The following HADH variants were observed in gnomAD, a reference collection of about 807,000 sequenced individuals.
HADH encodes the protein hydroxyacyl-CoA dehydrogenase, also known as hydroxyacyl-coenzyme A dehydrogenase, mitochondrial.
In HADH, 24 loss-of-function variants were observed where a neutral mutation model predicts 32.2. The ratio of observed to expected loss-of-function variants is 0.75; its 90% confidence interval spans 0.54 to 1.05. The LOEUF is 1.05. Among genes scored for constraint, HADH ranks in the 50% least tolerant of loss-of-function variants. HADH has a pLI of 0.00. For synonymous variants in HADH, 139 were observed against 152.5 expected (o/e 0.91, Z 0.65); for missense variants, 350 against 397.1 (o/e 0.88, Z 1.01).
chr4:108,000,836 A>T lies in HADH; in HGVS notation c.133-8923A>T, dbSNP rs138297673. Among the ~76,000 whole-genome samples, 20 of 152,312 alleles carry T rather than the reference A, an allele frequency of 1.3e-4. No individual in the cohort carries two copies. In the East Asian group the frequency reaches 3.9e-3, roughly 29 times the overall value. ...GAGACGTGTGGTGTGGCTGGGGAAG[A>T]CTACAGAATCGGGTTACTACCGTCC... On this transcript the variant is annotated intron_variant, in intron 1 of 7. Transcript: ENST00000309522.
At chr4:108,012,550 T>C (rs1318936099) in intron 2 of HADH, among the ~76,000 whole-genome samples, 2 of 152,190 alleles carry the variant, frequency 1.3e-5, no homozygotes, top group African/African-American at 4.8e-5. Flanking sequence ...TGTATTTGTC[T>C]TGATTGGCTA....
chr4:108,002,745 T>C (rs1735160820), intron 1 of HADH, among the ~76,000 whole-genome samples: 1 of 152,184 alleles, frequency 6.6e-6, no homozygotes, highest in African/African-American at 2.4e-5. Flanking sequence ...ACACTGAACA[T>C]GCTGATGATC....
intron 6 of HADH, chr4:108,032,892 G>A (rs1736323837): frequency 2.4e-6 from 1 of 418,402 alleles, no homozygotes; most frequent in Admixed American, 3.5e-5. Flanking sequence ...TGAGGCAGGA[G>A]AATCACTTGA....
rs1329695684 is a variant in HADH at position 108,033,287 on chromosome 4, T to C, written c.821T>C (p.Val274Ala). 2.0e-6 allele frequency: 3 copies of C among 1,488,802 alleles called. No homozygotes were observed. The highest frequency in any genetic ancestry group is 1.4e-5 in the African/African-American group (1 of 72,412). 92.2% of individuals were successfully genotyped at this position (1,488,802 alleles called of 1,614,324 possible). A position where few individuals can be genotyped will look rare whatever the true frequency, so the allele number is the denominator to read the frequency against. The stretch of plus-strand genomic sequence containing the variant: ...GGACTGGATACTACGAAGTTCATCG[T>C]GGATGGTAGGAATTGGAATTTTTTG... ...YVGLDTTKFIVDGWHEMDAEN... is the reference protein window; with the variant it reads ...YVGLDTTKFIADGWHEMDAEN... Residue 274 changes from valine to alanine, a missense_variant, in exon 7 of 8, where the codon GTG (valine) becomes GCG (alanine). Physicochemically the swap from Val to Ala is moderately conservative, Grantham distance 64. Transcript: ENST00000309522.
chr4:108,007,169 C>T (rs1428912656), intron 1 of HADH, among the ~76,000 whole-genome samples: 1 of 152,052 alleles, frequency 6.6e-6, no homozygotes, highest in East Asian at 1.9e-4. Context: ...TGCAGTGGTG[C>T]GATCTCGGCT....
intron 1 of HADH, among the ~76,000 whole-genome samples, chr4:107,990,702 T>G (rs1260679691): frequency 6.6e-6 from 1 of 151,762 alleles, no homozygotes; most frequent in Non-Finnish European, 1.5e-5. Flanking sequence ...TGCAGAGTTC[T>G]GAGCTTGCGA....
intron 1 of HADH, among the ~76,000 whole-genome samples, chr4:107,995,005 C>T (rs1734915117): frequency 6.6e-6 from 1 of 152,168 alleles, no homozygotes; most frequent in Non-Finnish European, 1.5e-5. Flanking sequence ...CTGCCTCCAG[C>T]TTTAATCACT....
intron 4 of HADH, among the ~76,000 whole-genome samples, chr4:108,022,116 C>T (rs1735902400): frequency 6.6e-6 from 1 of 151,518 alleles, no homozygotes; most frequent in African/African-American, 2.4e-5. Flanking sequence ...AAAGTAAACC[C>T]TTTGACTCCG....
chr4:108,012,329 T>C (rs1194654390), intron 2 of HADH, among the ~76,000 whole-genome samples: 1 of 152,228 alleles, frequency 6.6e-6, no homozygotes. Flanking sequence ...TTAGAAATGC[T>C]TGTTCTTTGG....
intron 1 of HADH, among the ~76,000 whole-genome samples, chr4:107,991,954 T>TA (rs1270114704): frequency 6.6e-6 from 1 of 152,222 alleles, no homozygotes. Context: ...AAGCGTCACT[T>TA]CAACTTTTGT....
Position 108,027,294 on chromosome 4 carries a change from C to G in HADH, c.637-394C>G, listed in dbSNP as rs187526330. On this transcript the variant is annotated intron_variant, in intron 5 of 7. Coordinates refer to ENST00000309522, the MANE Select transcript of HADH (RefSeq NM_005327.7). ...GCATTTTATGTGTTTTCTGATTTAT[C>G]TTCACAACTTTGAGACAAACTGTCA... 3.7e-5 allele frequency: 13 copies of G among 347,084 alleles called. No homozygotes were observed. The Admixed American group carries it at 4.7e-4, about 13-fold the overall frequency. 21.5% of individuals were successfully genotyped at this position (347,084 alleles called of 1,614,324 possible). A position where few individuals can be genotyped will look rare whatever the true frequency, so the allele number is the denominator to read the frequency against.
At chr4:108,020,601 G>A (rs560331266) in intron 4 of HADH, among the ~76,000 whole-genome samples, 3 of 152,354 alleles carry the variant, frequency 2.0e-5, no homozygotes, top group Non-Finnish European at 4.4e-5. Context: ...AATGCTTGGA[G>A]ACTCCAATAT....
chr4:108,033,351 A>G (rs1736346122), intron 7 of HADH, 59 bp downstream of exon 7: 2 of 900,066 alleles, frequency 2.2e-6, no homozygotes, highest in Non-Finnish European at 1.9e-6. Context: ...ACTGTAAATT[A>G]TAATGCCTTT....
In HADH at chr4:107,992,521, C is replaced by T. The variant is rs945585977; in HGVS notation, c.132+2457C>T. 2.0e-5 allele frequency among the ~76,000 whole-genome samples: 3 copies of T among 152,090 alleles called. No homozygotes were observed. In the East Asian group the frequency reaches 5.8e-4, roughly 29 times the overall value. ...GTAAATCTGTTTTGCTTATTGAGTG[C>T]CAGAGACGAATTAGTTGATGTGTTT... is the stretch of plus-strand genomic sequence containing the variant. On this transcript the variant is annotated intron_variant, in intron 1 of 7. Coordinates refer to ENST00000309522, the MANE Select transcript of HADH (RefSeq NM_005327.7).
intron 1 of HADH, among the ~76,000 whole-genome samples, chr4:108,002,392 C>G (rs1735144565): frequency 6.6e-6 from 1 of 152,164 alleles, no homozygotes; most frequent in Non-Finnish European, 1.5e-5. Flanking sequence ...TTGTGAGAAT[C>G]TAATGCCTGA....
Position 108,015,736 on chromosome 4 carries a change from C to A in HADH, c.419+1148C>A, listed in dbSNP as rs538305284. Among the ~76,000 whole-genome samples the A allele has an allele frequency of 4.6e-5, 7 of 152,272 alleles. No homozygotes were observed. In the South Asian group the frequency reaches 1.5e-3, roughly 32 times the overall value. On this transcript the variant is annotated intron_variant, in intron 3 of 7. Coordinates refer to ENST00000309522, the MANE Select transcript of HADH (RefSeq NM_005327.7). ...TGGAGGGGTCCATCCAGGGACAGGC[C>A]TATGTTTCTTGAAGTGTGTAGGTCA...
At chr4:108,030,772 T>C (rs1736234681) in intron 6 of HADH, 1 of 152,244 alleles carries the variant, frequency 6.6e-6, no homozygotes, top group South Asian at 2.1e-4. Context: ...TACTTGATTC[T>C]AAAGAAGTTT....
intron 1 of HADH, among the ~76,000 whole-genome samples, chr4:107,996,893 CAAA>C (rs371481879): frequency 0.023 from 2,506 of 109,710 alleles, 73 homozygotes; most frequent in African/African-American, 0.069. Context: ...GACTCCTTCT[CAAA>C]AAAAAAAAAA....
intron 4 of HADH, 77 bp downstream of exon 4, chr4:108,019,743 C>T: frequency 1.3e-6 from 2 of 1,559,468 alleles, no homozygotes; most frequent in Non-Finnish European, 1.8e-6. Context: ...TTACACCAGC[C>T]CTGCCACCAG....
Sources: gnomAD v4.1 joint callset for allele counts (sites outside exome capture counted in the v4.1 genomes callset) on GRCh38, gnomAD v4.1.1 for gene constraint, MANE v1.5 for transcripts, NCBI Gene and HGNC (gene_info 2026-07-23, HGNC 2026-07-21) for gene names.